Variants in PCDHA4 observed in about 807,000 individuals in gnomAD.
The protein encoded by PCDHA4 is protocadherin alpha 4.
A neutral mutation model predicts 61.4 loss-of-function variants in PCDHA4; 49 were observed. That is an observed-to-expected ratio of 0.80 (90% CI 0.63 to 1.01). The LOEUF is 1.01. Among genes scored for constraint, PCDHA4 ranks in the 50% least tolerant of loss-of-function variants. PCDHA4 has a pLI of 0.00. For missense variants in PCDHA4, 1,254 were observed against 1,235.8 expected (o/e 1.01, Z -0.22); for synonymous variants, 590 against 550.3 (o/e 1.07, Z -1.01).
chr5:140,833,027 G>C (rs1455283039), intron 1 of PCDHA4, among the ~76,000 whole-genome samples: 3 of 152,186 alleles, frequency 2.0e-5, no homozygotes, highest in Non-Finnish European at 4.4e-5. Flanking sequence ...CCATAAGAGA[G>C]AGTGTGATAT....
chr5:140,809,229 G>A lies in PCDHA4; in HGVS notation c.2042G>A (p.Arg681Gln). Residue 681 changes from arginine to glutamine, a missense_variant, in exon 1 of 4, where the codon CGG (arginine) becomes CAG (glutamine). Physicochemically the swap from Arg to Gln is conservative, Grantham distance 43. Transcript: ENST00000530339. The stretch of plus-strand genomic sequence containing the variant: ...GGACAGGCGCCAAAGGCCTCCTCAC[G>A]GGCGTTGGTGGGCGCTGTGGGTCCC... ...ESGQAPKASS[R>Q]ALVGAVGPDA... The A allele has an allele frequency of 1.2e-6, 2 of 1,614,046 alleles. No individual in the cohort carries two copies. Among genetic ancestry groups the A allele is most frequent in the Non-Finnish European group, 1.7e-6 (2 of 1,179,940 alleles).
chr5:140,951,959 A>C (rs2094664205), intron 1 of PCDHA4, among the ~76,000 whole-genome samples: 1 of 152,202 alleles, frequency 6.6e-6, no homozygotes, highest in Admixed American at 6.5e-5. Context: ...GGCATTGGGT[A>C]AATACTCCTG....
intron 1 of PCDHA4, among the ~76,000 whole-genome samples, chr5:140,838,952 A>G (rs1270544728): frequency 6.6e-6 from 1 of 152,048 alleles, no homozygotes; most frequent in Non-Finnish European, 1.5e-5. Flanking sequence ...ATAAAATAAA[A>G]TAAAAACCCA....
At chr5:140,883,744 C>T (rs782708384) in intron 1 of PCDHA4, 1 of 1,613,374 alleles carries the variant, frequency 6.2e-7, no homozygotes, top group South Asian at 1.1e-5. Flanking sequence ...TGGTCTCCTA[C>T]TCGCTGGTGG....
chr5:140,888,586 C>T (rs1408191600), intron 1 of PCDHA4, among the ~76,000 whole-genome samples: 1 of 152,154 alleles, frequency 6.6e-6, no homozygotes, highest in East Asian at 1.9e-4. Flanking sequence ...TTTGTTAGTA[C>T]ACATTCAGAG....
At position 140,852,979 on chromosome 5, in the gene PCDHA4, C is replaced by T. The variant is rs1163126310; in HGVS notation, c.2385+43407C>T. ...CTCCAAGCTCCCCCTCCCGTGTTCA[C>T]GCCATTCTCCTGCCTCAGCCTCCCG... On this transcript the variant is annotated intron_variant, in intron 1 of 3. Transcript: ENST00000530339. 7 of 345,732 alleles carry T rather than the reference C, an allele frequency of 2.0e-5. No individual in the cohort carries two copies. In the East Asian group the frequency reaches 5.0e-4, roughly 24 times the overall value. 21.4% of individuals were successfully genotyped at this position (345,732 alleles called of 1,614,324 possible).
intron 1 of PCDHA4, chr5:140,969,317 G>A (rs1554231675): frequency 6.2e-7 from 1 of 1,614,156 alleles, no homozygotes; most frequent in East Asian, 2.2e-5. Context: ...AAATGAGGCT[G>A]TTTCTCAAAA....
chr5:140,848,359 G>C, intron 1 of PCDHA4: 1 of 1,059,608 alleles, frequency 9.4e-7, no homozygotes, highest in South Asian at 1.6e-5. Context: ...TTTTCCCATG[G>C]GAAAGAGGCT....
chr5:140,922,765 A>T (rs1346337086), intron 1 of PCDHA4, among the ~76,000 whole-genome samples: 1 of 152,258 alleles, frequency 6.6e-6, no homozygotes, highest in Non-Finnish European at 1.5e-5. Flanking sequence ...TAAAGAATTT[A>T]AAAGAACTGG....
chr5:140,999,814 G>A (rs143341016), intron 3 of PCDHA4, among the ~76,000 whole-genome samples: 1 of 152,286 alleles, frequency 6.6e-6, no homozygotes, highest in African/African-American at 2.4e-5. Context: ...CAAAGCAAGA[G>A]CTGTGGCTTT....
At chr5:140,957,194 G>A (rs2095341106) in intron 1 of PCDHA4, among the ~76,000 whole-genome samples, 1 of 152,012 alleles carries the variant, frequency 6.6e-6, no homozygotes, top group Non-Finnish European at 1.5e-5. Context: ...TGACCGATTG[G>A]GAATATAAAT....
intron 1 of PCDHA4, among the ~76,000 whole-genome samples, chr5:140,838,108 GT>G (rs1775540163): frequency 6.7e-6 from 1 of 149,734 alleles, no homozygotes; most frequent in Admixed American, 6.7e-5. Flanking sequence ...GTGTGTGTGT[GT>G]GTGTGTGTGT....
chr5:140,967,112 C>T (rs1338076103), intron 1 of PCDHA4: 4 of 1,612,876 alleles, frequency 2.5e-6, no homozygotes, highest in East Asian at 2.2e-5. Flanking sequence ...GCAGCGGCCT[C>T]GCTGCCTGCT....
intron 1 of PCDHA4, chr5:140,966,328 CG>C: frequency 2.5e-6 from 1 of 392,484 alleles, no homozygotes; most frequent in Non-Finnish European, 4.5e-6. Flanking sequence ...CGCTGGGATC[CG>C]GCAGGTCCAG....
chr5:140,861,502 T>A, intron 1 of PCDHA4: 1 of 482,002 alleles, frequency 2.1e-6, no homozygotes. Context: ...CTGATAGACC[T>A]CGAGGAGCTG....
At chr5:140,927,097 G>A in intron 1 of PCDHA4, 1 of 1,613,358 alleles carries the variant, frequency 6.2e-7, no homozygotes, top group Non-Finnish European at 8.5e-7. Context: ...CTTCGGGGTG[G>A]ATCTACCCAG....
chr5:140,871,234 G>T (rs1554165295), intron 1 of PCDHA4: 3 of 1,613,844 alleles, frequency 1.9e-6, no homozygotes, highest in Non-Finnish European at 2.5e-6. Flanking sequence ...CAGCCTCCTG[G>T]TACTCACGCT....
intron 3 of PCDHA4, among the ~76,000 whole-genome samples, chr5:140,991,890 T>A (rs1192590580): frequency 1.3e-5 from 2 of 152,192 alleles, no homozygotes; most frequent in Non-Finnish European, 2.9e-5. Context: ...CCATAACAAA[T>A]TAACACAAAA....
At chr5:140,856,686 C>T (rs782337552) in intron 1 of PCDHA4, 1 of 1,597,202 alleles carries the variant, frequency 6.3e-7, no homozygotes, top group Non-Finnish European at 8.6e-7. Context: ...TTGTTGACAG[C>T]AACTGATGGA....
Sources: allele counts gnomAD v4.1 joint callset (sites outside exome capture counted in the v4.1 genomes callset), GRCh38; gene constraint gnomAD v4.1.1; transcripts MANE v1.5; gene names NCBI Gene and HGNC (gene_info 2026-07-23, HGNC 2026-07-21).